Variants in UGT1A6 observed in about 807,000 individuals in gnomAD.
UGT1A6 encodes UDP glucuronosyltransferase family 1 member A6, also known as UDP-glucuronosyltransferase 1A6.
Under a neutral mutation model 44.4 loss-of-function variants are expected in UGT1A6, and 32 were observed. The ratio of observed to expected loss-of-function variants is 0.72; its 90% CI spans 0.54 to 0.97. The LOEUF (loss-of-function observed/expected upper bound fraction) is 0.97. Ranked by LOEUF, UGT1A6 falls within the 50% of genes least tolerant of loss-of-function variation. The pLI, the probability that UGT1A6 is intolerant of heterozygous loss-of-function variation, is 0.00. For synonymous variants in UGT1A6, 238 were observed against 248.5 expected, an observed-to-expected ratio of 0.96 and a Z score of 0.40; for missense variants, 685 against 661.9, an observed-to-expected ratio of 1.03 and a Z score of -0.38.
chr2:233,772,294 T>C lies in UGT1A6; in HGVS notation c.1334T>C (p.Leu445Pro). 6.2e-7 allele frequency: 1 copy of C among 1,614,228 alleles called. No individual in the cohort carries two copies. Among genetic ancestry groups the C allele is most frequent in the Non-Finnish European group, 8.5e-7 (1 of 1,180,042 alleles). Reference protein sequence around the residue: ...YKENIMRLSSLHKDRPVEPLD... With the variant: ...YKENIMRLSSPHKDRPVEPLD... Reference sequence around the variant, plus strand: ...GAGAACATCATGCGCCTCTCCAGCCTTCACAAGGACCGCCCGGTGGAGCCG... The same window carrying C: ...GAGAACATCATGCGCCTCTCCAGCCCTCACAAGGACCGCCCGGTGGAGCCG... The change falls in exon 5 of 5, where the codon CTT becomes CCT. Residue 445 changes from leucine to proline, a missense_variant. Coordinates refer to ENST00000305139, the MANE Select transcript of UGT1A6 (RefSeq NM_001072.4).
intron 1 of UGT1A6, among the ~76,000 whole-genome samples, chr2:233,700,085 G>T (rs537360588): frequency 2.8e-4 from 42 of 152,322 alleles, no homozygotes; most frequent in African/African-American, 9.4e-4. Context: ...AAGGCCCCCA[G>T]CCTGGAGGTG....
At chr2:233,709,223 G>A (rs546469798) in intron 1 of UGT1A6, among the ~76,000 whole-genome samples, 3 of 152,258 alleles carry the variant, frequency 2.0e-5, no homozygotes, top group Non-Finnish European at 4.4e-5. Flanking sequence ...TGAGAGTTTG[G>A]GGGAGGGGTG....
chr2:233,757,675 A>T (rs1397708687), intron 1 of UGT1A6, among the ~76,000 whole-genome samples: 1 of 151,408 alleles, frequency 6.6e-6, no homozygotes, highest in Non-Finnish European at 1.5e-5. Flanking sequence ...AATTCAAGGA[A>T]TTCAAGGGAT....
intron 1 of UGT1A6, chr2:233,718,072 AG>A (rs1223912605): frequency 5.8e-6 from 2 of 346,088 alleles, no homozygotes; most frequent in East Asian, 1.5e-4. Context: ...GGTCCTTGCT[AG>A]GGTTGTCTTG....
chr2:233,723,019 G>C (rs1235467270), intron 1 of UGT1A6, among the ~76,000 whole-genome samples: 2 of 145,208 alleles, frequency 1.4e-5, no homozygotes, highest in Non-Finnish European at 3.0e-5. Flanking sequence ...ATGAGAAGGT[G>C]GAAGGGCCAG....
At chr2:233,756,125 T>G (rs922243394) in intron 1 of UGT1A6, 6 of 152,194 alleles carry the variant, frequency 3.9e-5, no homozygotes, top group Non-Finnish European at 7.3e-5. Flanking sequence ...TTTGTAAAAT[T>G]CTCCTGAAAA....
rs981811501 is a variant in UGT1A6 at position 233,745,071 on chromosome 2, G to T, written c.862-21963G>T. Reference sequence around the variant, plus strand: ...GTTTTTTATTTGTATTATTTGTATTGTTTTTTCATTGCTCTTCCCCCCAAA... The same window carrying T: ...GTTTTTTATTTGTATTATTTGTATTTTTTTTTCATTGCTCTTCCCCCCAAA... On this transcript the variant is annotated intron_variant, in intron 1 of 4. Transcript: ENST00000305139. Among the ~76,000 whole-genome samples the T allele has an allele frequency of 7.2e-5, 11 of 151,894 alleles. No individual in the cohort carries two copies. In the East Asian group the frequency reaches 9.6e-4, roughly 13 times the overall value.
intron 1 of UGT1A6, among the ~76,000 whole-genome samples, chr2:233,710,005 G>C (rs1294039460): frequency 6.6e-6 from 1 of 152,198 alleles, no homozygotes; most frequent in African/African-American, 2.4e-5. Context: ...ATACAATTAT[G>C]AATGAAAAAC....
chr2:233,693,918 C>T (rs907790099), intron 1 of UGT1A6, 53 bp downstream of exon 1: 4 of 1,611,064 alleles, frequency 2.5e-6, no homozygotes, highest in Non-Finnish European at 3.4e-6. Context: ...GCTCTGTCCT[C>T]CCTCACTCAT....
chr2:233,701,519 A>T (rs1017874937), intron 1 of UGT1A6, among the ~76,000 whole-genome samples: 23 of 152,206 alleles, frequency 1.5e-4, no homozygotes, highest in Non-Finnish European at 2.5e-4. Context: ...AGAACTCTCC[A>T]CCCCAAATCA....
rs28899184 is a variant in UGT1A6 at position 233,714,555 on chromosome 2, A to T, written c.861+20690A>T. Among the ~76,000 whole-genome samples the T allele has an allele frequency of 4.8e-3, 733 of 152,370 alleles. 10 individuals carry two copies. Among genetic ancestry groups the T allele is most frequent in the African/African-American group, 0.017 (698 of 41,588 alleles). ...TCTAATACCGAAGTGTCCAATAGAA[A>T]TATCATGTAAACCACATACATAATT... On this transcript the variant is annotated intron_variant, in intron 1 of 4. Transcript: ENST00000305139.
Position 233,719,098 on chromosome 2 carries a change from C to T in UGT1A6, c.861+25233C>T, listed in dbSNP as rs188914242. 5.5e-5 allele frequency: 89 copies of T among 1,614,240 alleles called. 1 individual carries two copies. In the Admixed American group the frequency reaches 7.3e-4, roughly 13 times the overall value. On this transcript the variant is annotated intron_variant, in intron 1 of 4. Coordinates refer to ENST00000305139, the MANE Select transcript of UGT1A6 (RefSeq NM_001072.4). Reference sequence around the variant, plus strand: ...ACCCAGAAGGAATTTGATCGCGTTACGCTGGGCTACACTCAAGGGTTCTTT... The same window carrying T: ...ACCCAGAAGGAATTTGATCGCGTTATGCTGGGCTACACTCAAGGGTTCTTT...
chr2:233,697,076 G>T (rs2075374196), intron 1 of UGT1A6, among the ~76,000 whole-genome samples: 1 of 151,938 alleles, frequency 6.6e-6, no homozygotes, highest in African/African-American at 2.4e-5. Context: ...TTGGTATCAG[G>T]GTAACACTGG....
Position 233,773,068 on chromosome 2 carries a change from G to C in UGT1A6, c.*509G>C, listed in dbSNP as rs1488458773. Reference sequence around the variant, plus strand: ...TGTACCTTTAGAGTGTAGGTGAAATGAATGAATGGCTTGGAGTGCACTGAG... The same window carrying C: ...TGTACCTTTAGAGTGTAGGTGAAATCAATGAATGGCTTGGAGTGCACTGAG... On this transcript the variant is annotated 3_prime_UTR_variant, in exon 5 of 5. Coordinates refer to ENST00000305139, the MANE Select transcript of UGT1A6 (RefSeq NM_001072.4). 5.8e-6 allele frequency: 1 copy of C among 171,412 alleles called. No homozygotes were observed. Among genetic ancestry groups the C allele is most frequent in the Non-Finnish European group, 1.3e-5 (1 of 78,258 alleles). The allele number at this position is 171,412 out of a possible 1,614,324, so 10.6% of individuals were successfully genotyped here. A position where few individuals can be genotyped will look rare whatever the true frequency, so the allele number is the denominator to read the frequency against.
intron 1 of UGT1A6, among the ~76,000 whole-genome samples, chr2:233,696,067 T>A (rs1181513813): frequency 6.6e-6 from 1 of 152,174 alleles, no homozygotes; most frequent in Non-Finnish European, 1.5e-5. Flanking sequence ...GTACAGCCAC[T>A]ATGAAGAACA....
chr2:233,729,088 C>CG (rs1559373560), intron 1 of UGT1A6: 1 of 1,612,432 alleles, frequency 6.2e-7, no homozygotes, highest in Admixed American at 1.7e-5. Flanking sequence ...GCAGGCACAG[C>CG]GTGGGGTGGA....
chr2:233,694,717 T>A (rs1262844256), intron 1 of UGT1A6, among the ~76,000 whole-genome samples: 4 of 152,178 alleles, frequency 2.6e-5, no homozygotes, highest in Non-Finnish European at 5.9e-5. Flanking sequence ...CACCTGCTGA[T>A]TTCTCTGTTA....
intron 1 of UGT1A6, among the ~76,000 whole-genome samples, chr2:233,703,429 CTCTATT>C (rs2075738340): frequency 6.6e-6 from 1 of 151,928 alleles, no homozygotes; most frequent in Admixed American, 6.6e-5. Context: ...TCTATTGCTT[CTCTATT>C]TCTATGTCGT....
At chr2:233,692,770 A>C (rs1187412546), upstream of UGT1A6, 1 of 1,276,528 alleles carries the variant, frequency 7.8e-7, no homozygotes, top group Non-Finnish European at 1.0e-6. Flanking sequence ...GAAGAGAAAC[A>C]CCCAGAAGCT....
Sources: gnomAD v4.1 joint callset for allele counts (sites outside exome capture counted in the v4.1 genomes callset) on GRCh38, gnomAD v4.1.1 for gene constraint, MANE v1.5 for transcripts, NCBI Gene and HGNC (gene_info 2026-07-23, HGNC 2026-07-21) for gene names.